Variants in WASHC5 observed in about 807,000 individuals in gnomAD.
WASHC5 encodes the protein WASH complex subunit strumpellin.
WASHC5 carries 101 observed loss-of-function variants against 150.4 expected under a neutral mutation model. The ratio of observed to expected loss-of-function variants is 0.67; its 90% CI spans 0.57 to 0.79. The LOEUF (loss-of-function observed/expected upper bound fraction) is 0.79. Ranked by LOEUF, WASHC5 falls within the 30% of genes least tolerant of loss-of-function variation. The probability of loss-of-function intolerance (pLI) is 0.00; values close to 1 mark genes in which losing one functional copy is unlikely to be tolerated. For missense variants in WASHC5, 1,195 were observed against 1,396.3 expected, an observed-to-expected ratio of 0.86 and a Z score of 2.30; for synonymous variants, 467 against 491.2, an observed-to-expected ratio of 0.95 and a Z score of 0.65.
intron 1 of WASHC5, among the ~76,000 whole-genome samples, chr8:125,086,515 A>C (rs1161128540): frequency 6.6e-6 from 1 of 152,146 alleles, no homozygotes; most frequent in African/African-American, 2.4e-5. Context: ...GGCCTATCCT[A>C]GTGGCTTCAT....
At chr8:125,072,550 T>C (rs1055333624) in intron 9 of WASHC5, among the ~76,000 whole-genome samples, 3 of 152,070 alleles carry the variant, frequency 2.0e-5, no homozygotes, top group Admixed American at 2.0e-4. Flanking sequence ...ATTTTTTTAC[T>C]TTTTGTAGAG....
chr8:125,032,807 G>T, intron 26 of WASHC5: 1 of 226,972 alleles, frequency 4.4e-6, no homozygotes. Flanking sequence ...ATACTTTTAG[G>T]GTATCTTTAA....
chr8:125,058,740 G>A (rs1209311391), intron 14 of WASHC5, among the ~76,000 whole-genome samples: 3 of 151,868 alleles, frequency 2.0e-5, no homozygotes, highest in Non-Finnish European at 4.4e-5. Flanking sequence ...AAAAGAAGAA[G>A]AAGAAGACAC....
Position 125,073,811 on chromosome 8 carries a change from A to G in WASHC5, c.979-487T>C, listed in dbSNP as rs182228230. 7.9e-5 allele frequency among the ~76,000 whole-genome samples: 12 copies of G among 152,300 alleles called. No individual in the cohort carries two copies. In the South Asian group the frequency reaches 1.2e-3, roughly 16 times the overall value. ...AAACTTTGGTGTGACTTGGGGCTTA[A>G]CCCCTGTGTATTGGTTTCTTCAAAT... On this transcript the variant is annotated intron_variant, in intron 8 of 28. Coordinates refer to ENST00000318410, the MANE Select transcript of WASHC5 (RefSeq NM_014846.4).
At position 125,084,043 on chromosome 8, in the gene WASHC5, T is replaced by C. The variant is rs1817349933; in HGVS notation, c.-124-21A>G. Reference sequence around the variant, plus strand: ...AGAACCTGTATCCCCAAAAAAAGTGTGAAAATCTCAATTTGTTTAAGGAAG... The same window carrying C: ...AGAACCTGTATCCCCAAAAAAAGTGCGAAAATCTCAATTTGTTTAAGGAAG... On this transcript the variant is annotated intron_variant, in intron 1 of 28. Coordinates refer to ENST00000318410, the MANE Select transcript of WASHC5 (RefSeq NM_014846.4). 3 of 760,804 alleles carry C rather than the reference T, an allele frequency of 3.9e-6. No individual in the cohort carries two copies. The African/African-American group carries it at 5.2e-5, about 13-fold the overall frequency. The allele number at this position is 760,804 out of a possible 1,614,324, so 47.1% of individuals were successfully genotyped here. A position where few individuals can be genotyped will look rare whatever the true frequency, so the allele number is the denominator to read the frequency against.
At chr8:125,052,562 T>C (rs1816270714) in intron 17 of WASHC5, among the ~76,000 whole-genome samples, 1 of 151,732 alleles carries the variant, frequency 6.6e-6, no homozygotes, top group South Asian at 2.1e-4. Context: ...CACACACATA[T>C]ATTATACATA....
At chr8:125,073,105 G>A in intron 9 of WASHC5, 48 bp downstream of exon 9, 1 of 1,581,494 alleles carries the variant, frequency 6.3e-7, no homozygotes, top group Non-Finnish European at 8.7e-7. Context: ...CTGATTCTGA[G>A]AGTCTTTATG....
rs764771958 is a variant in WASHC5 at position 125,082,465 on chromosome 8, T to G, written c.335A>C (p.Tyr112Ser). ...VHKYIVDLNR[Y>S]LDDLNEGVYI... is the part of the protein sequence containing the mutation. ...AACCCCTTCATTGAGATCATCTAGATATCTAGAAATAAAACCACAGTGCAA... is the reference window on the plus strand; with the variant it reads ...AACCCCTTCATTGAGATCATCTAGAGATCTAGAAATAAAACCACAGTGCAA... The change falls in exon 4 of 29, where the codon TAT becomes TCT. Residue 112 changes from tyrosine to serine, a missense_variant and splice_region_variant. Coordinates refer to ENST00000318410, the MANE Select transcript of WASHC5 (RefSeq NM_014846.4). 2 of 1,506,790 alleles carry G rather than the reference T, an allele frequency of 1.3e-6. No individual in the cohort carries two copies. Among genetic ancestry groups the G allele is most frequent in the South Asian group, 2.3e-5 (2 of 88,270 alleles). The allele number at this position is 1,506,790 out of a possible 1,614,324, so 93.3% of individuals were successfully genotyped here.
intron 1 of WASHC5, among the ~76,000 whole-genome samples, chr8:125,087,792 A>G (rs946614252): frequency 3.9e-5 from 6 of 152,146 alleles, no homozygotes; most frequent in African/African-American, 1.4e-4. Flanking sequence ...TGCTATTAAG[A>G]ATAGTTCATA....
intron 10 of WASHC5, 109 bp downstream of exon 10, chr8:125,067,483 C>G (rs1816776711): frequency 1.0e-6 from 1 of 955,878 alleles, no homozygotes; most frequent in African/African-American, 1.6e-5. Flanking sequence ...CAGCTCAAAT[C>G]TGTACCTTGA....
intron 26 of WASHC5, among the ~76,000 whole-genome samples, chr8:125,036,964 G>A (rs923470834): frequency 2.0e-5 from 3 of 152,128 alleles, no homozygotes; most frequent in Non-Finnish European, 4.4e-5. Context: ...AGTGAGCTGA[G>A]ACCACGCCAT....
chr8:125,049,154 A>G lies in WASHC5; in HGVS notation c.2231T>C (p.Leu744Ser), dbSNP rs1046042687. ...ATGGAATCCATCCATGGTCGCTCCC[A>G]ACTCTTTCAGCTTGGGCATCAATTC... ...PSELMPKLKE[L>S]GATMDGFHRS... Residue 744 changes from leucine to serine, a missense_variant, in exon 19 of 29, where the codon TTG (leucine) becomes TCG (serine). By Grantham distance (145) the Leu-to-Ser change is moderately radical. Transcript: ENST00000318410. 3 of 1,614,032 alleles carry G rather than the reference A, an allele frequency of 1.9e-6. No individual in the cohort carries two copies. The highest frequency in any genetic ancestry group is 2.5e-6 in the Non-Finnish European group (3 of 1,180,000).
In WASHC5 at chr8:125,049,284, T is replaced by A; in HGVS notation, c.2200-99A>T. 6 of 1,307,264 alleles carry A rather than the reference T, an allele frequency of 4.6e-6. No individual in the cohort carries two copies. The South Asian group carries it at 7.3e-5, about 16-fold the overall frequency. 81.0% of individuals were successfully genotyped at this position (1,307,264 alleles called of 1,614,324 possible). ...ACTTTAAATAGTATAGCAGGCCAGA[T>A]GCGGTGGCTCCCACCTGTAACCCCA... On this transcript the variant is annotated intron_variant, in intron 18 of 28. Coordinates refer to ENST00000318410, the MANE Select transcript of WASHC5 (RefSeq NM_014846.4).
chr8:125,037,436 T>C (rs1056051574), intron 25 of WASHC5, 103 bp from the exon 26 acceptor site: 1 of 786,032 alleles, frequency 1.3e-6, no homozygotes, highest in Non-Finnish European at 2.2e-6. Context: ...CAATTTGCTC[T>C]TTGGCTTTCC....
chr8:125,054,675 C>T lies in WASHC5; in HGVS notation c.2097+916G>A, dbSNP rs542360481. On this transcript the variant is annotated intron_variant, in intron 17 of 28. Coordinates refer to ENST00000318410, the MANE Select transcript of WASHC5 (RefSeq NM_014846.4). ...TCTCTAAAAAATACAAGAAATTAGC[C>T]GGGCATGGTGGTGGGCGCCTGTAGT... Among the ~76,000 whole-genome samples, 5 of 152,008 alleles carry T rather than the reference C, an allele frequency of 3.3e-5. No homozygotes were observed. The East Asian group carries it at 5.8e-4, about 18-fold the overall frequency.
Position 125,079,102 on chromosome 8 carries a change from A to ATG in WASHC5, c.519-174_519-173dup, listed in dbSNP as rs1225633373. On this transcript the variant is annotated intron_variant, in intron 5 of 28. Transcript: ENST00000318410. ...AAGATTCAAAATTATGTGTATATATATGTGTGTGTGTGTGTATATATATAT... is the reference window on the plus strand; with the variant it reads ...AAGATTCAAAATTATGTGTATATATATGTGTGTGTGTGTGTGTATATATATAT... 3.7e-3 allele frequency among the ~76,000 whole-genome samples: 332 copies of ATG among 88,708 alleles called. 3 individuals are homozygous for ATG. Among genetic ancestry groups the ATG allele is most frequent in the Non-Finnish European group, 5.0e-3 (229 of 45,786 alleles). 58.2% of individuals were successfully genotyped at this position (88,708 alleles called of 152,430 possible).
chr8:125,053,622 G>A (rs1284005295), intron 17 of WASHC5, among the ~76,000 whole-genome samples: 1 of 151,970 alleles, frequency 6.6e-6, no homozygotes, highest in Non-Finnish European at 1.5e-5. Flanking sequence ...AAATACCATG[G>A]TATTTCCTTT....
rs182909922 is a variant in WASHC5, at chr8:125,024,768, G to A, written c.3424-95C>T. 389 of 850,348 alleles carry A rather than the reference G, an allele frequency of 4.6e-4. No individual in the cohort carries two copies. The African/African-American group carries it at 5.8e-3, about 13-fold the overall frequency. 52.7% of individuals were successfully genotyped at this position (850,348 alleles called of 1,614,324 possible). A position where few individuals can be genotyped will look rare whatever the true frequency, so the allele number is the denominator to read the frequency against. On this transcript the variant is annotated intron_variant, in intron 28 of 28. Transcript: ENST00000318410. ...AGAAAAGATATCCTTGGAGCAAGGT[G>A]AATAATAGAAGAGGAGACTCCCATG...
At chr8:125,046,958 A>G (rs968221331) in intron 20 of WASHC5, among the ~76,000 whole-genome samples, 1 of 152,172 alleles carries the variant, frequency 6.6e-6, no homozygotes, top group Non-Finnish European at 1.5e-5. Context: ...TCTGACAGGA[A>G]GTGGAGCTCA....
Sources: gnomAD v4.1 joint callset for allele counts (sites outside exome capture counted in the v4.1 genomes callset) on GRCh38, gnomAD v4.1.1 for gene constraint, MANE v1.5 for transcripts, NCBI Gene and HGNC (gene_info 2026-07-23, HGNC 2026-07-21) for gene names.